Variants in PPP3CA observed in about 807,000 individuals in gnomAD.
The protein encoded by PPP3CA is protein phosphatase 3 catalytic subunit alpha.
PPP3CA carries 14 observed loss-of-function variants against 66.5 expected under a neutral mutation model. That is an observed-to-expected ratio of 0.21 (90% CI 0.14 to 0.33). The LOEUF (loss-of-function observed/expected upper bound fraction) is 0.33. Among genes scored for constraint, PPP3CA ranks in the 10% least tolerant of loss-of-function variants. The pLI, the probability that PPP3CA is intolerant of heterozygous loss-of-function variation, is 1.00. For synonymous variants in PPP3CA, 232 were observed against 226.2 expected, an observed-to-expected ratio of 1.03 and a Z score of -0.23; for missense variants, 317 against 639.5, an observed-to-expected ratio of 0.50 and a Z score of 5.44.
intron 13 of PPP3CA, among the ~76,000 whole-genome samples, chr4:101,028,915 T>C (rs1247582355): frequency 6.6e-6 from 1 of 152,134 alleles, no homozygotes; most frequent in African/African-American, 2.4e-5. Flanking sequence ...AAATATATAA[T>C]CCTTTTGTTT....
intron 1 of PPP3CA, among the ~76,000 whole-genome samples, chr4:101,313,613 T>C (rs1728793084): frequency 6.6e-6 from 1 of 152,146 alleles, no homozygotes; most frequent in Non-Finnish European, 1.5e-5. Flanking sequence ...AGTGGGAAGA[T>C]CAGTACTCCA....
intron 1 of PPP3CA, among the ~76,000 whole-genome samples, chr4:101,198,446 G>A (rs1048687565): frequency 6.6e-6 from 1 of 152,132 alleles, no homozygotes; most frequent in African/African-American, 2.4e-5. Context: ...GGCAAGAGCT[G>A]AATTTTTAAA....
intron 10 of PPP3CA, among the ~76,000 whole-genome samples, chr4:101,041,730 G>C (rs1727532800): frequency 6.6e-6 from 1 of 151,984 alleles, no homozygotes; most frequent in Admixed American, 6.6e-5. Context: ...CACCGCACCT[G>C]GTCAAGATTT....
chr4:101,046,515 G>T (rs779511585), intron 10 of PPP3CA, among the ~76,000 whole-genome samples: 1 of 151,762 alleles, frequency 6.6e-6, no homozygotes, highest in Non-Finnish European at 1.5e-5. Context: ...TATATAAAAA[G>T]TATATTTATA....
At chr4:101,314,711 T>C (rs1006380754) in intron 1 of PPP3CA, among the ~76,000 whole-genome samples, 2 of 151,810 alleles carry the variant, frequency 1.3e-5, no homozygotes, top group African/African-American at 2.4e-5. Flanking sequence ...TCTACCAATA[T>C]ATTTCTAAGA....
intron 1 of PPP3CA, among the ~76,000 whole-genome samples, chr4:101,269,767 T>G (rs1395202757): frequency 1.3e-5 from 2 of 152,072 alleles, no homozygotes; most frequent in Non-Finnish European, 2.9e-5. Flanking sequence ...AATGTGAACA[T>G]CATGAAGAAG....
At chr4:101,342,680 C>T (rs1262997501) in intron 1 of PPP3CA, among the ~76,000 whole-genome samples, 1 of 152,078 alleles carries the variant, frequency 6.6e-6, no homozygotes, top group East Asian at 1.9e-4. Context: ...TTTCACTATA[C>T]TCAAATTGAA....
At chr4:101,307,037 T>C (rs1434072748) in intron 1 of PPP3CA, among the ~76,000 whole-genome samples, 1 of 152,162 alleles carries the variant, frequency 6.6e-6, no homozygotes, top group African/African-American at 2.4e-5. Flanking sequence ...CCAATGCTAC[T>C]GGTGGTATTG....
chr4:101,329,496 A>T (rs1729311790), intron 1 of PPP3CA, among the ~76,000 whole-genome samples: 1 of 152,214 alleles, frequency 6.6e-6, no homozygotes, highest in Non-Finnish European at 1.5e-5. Flanking sequence ...CTTGCTTAAG[A>T]TCATTAATGA....
chr4:101,085,212 C>A (rs923186315), intron 6 of PPP3CA, among the ~76,000 whole-genome samples: 4 of 152,126 alleles, frequency 2.6e-5, no homozygotes, highest in Admixed American at 6.5e-5. Context: ...GAGGCCTTCA[C>A]TTAAATTCCT....
intron 11 of PPP3CA, 41 bp downstream of exon 11, chr4:101,040,439 CAT>C: frequency 7.2e-7 from 1 of 1,383,702 alleles, no homozygotes; most frequent in Non-Finnish European, 9.9e-7. Context: ...TTAGGTGACA[CAT>C]AATACAATTT....
intron 13 of PPP3CA, among the ~76,000 whole-genome samples, chr4:101,027,579 A>AAACT (rs1173913531): frequency 1.3e-5 from 2 of 152,210 alleles, no homozygotes; most frequent in East Asian, 1.9e-4. Context: ...CCCACCCTGA[A>AAACT]AACTAACTCA....
chr4:101,279,446 C>T (rs1727612160), intron 1 of PPP3CA, among the ~76,000 whole-genome samples: 1 of 152,192 alleles, frequency 6.6e-6, no homozygotes, highest in South Asian at 2.1e-4. Context: ...ACATCAGATA[C>T]CTGACTCTGC....
intron 1 of PPP3CA, among the ~76,000 whole-genome samples, chr4:101,252,545 A>C (rs990528337): frequency 6.6e-6 from 1 of 152,180 alleles, no homozygotes; most frequent in Non-Finnish European, 1.5e-5. Context: ...GCCCTTCTGC[A>C]CACATTTATA....
chr4:101,256,708 G>T (rs956702479), intron 1 of PPP3CA, among the ~76,000 whole-genome samples: 6 of 151,950 alleles, frequency 3.9e-5, no homozygotes, highest in African/African-American at 1.2e-4. Context: ...TATGTTTTGG[G>T]AATGTTTACA....
Position 101,280,809 on chromosome 4 carries a change from G to A in PPP3CA, c.58+65930C>T, listed in dbSNP as rs1727656236. ...CACTCCAGCCTGGGTGACAGAGCCAGACTCAGTCTCAAAAAAAAAAAAAAA... is the reference window on the plus strand; with the variant it reads ...CACTCCAGCCTGGGTGACAGAGCCAAACTCAGTCTCAAAAAAAAAAAAAAA... On this transcript the variant is annotated intron_variant, in intron 1 of 13. Coordinates refer to ENST00000394854, the MANE Select transcript of PPP3CA (RefSeq NM_000944.5). Among the ~76,000 whole-genome samples the A allele has an allele frequency of 4.8e-5, 6 of 124,252 alleles. No homozygotes were observed. The South Asian group carries it at 1.5e-3, about 32-fold the overall frequency. 81.5% of individuals were successfully genotyped at this position (124,252 alleles called of 152,430 possible). A position where few individuals can be genotyped will look rare whatever the true frequency, so the allele number is the denominator to read the frequency against.
intron 2 of PPP3CA, among the ~76,000 whole-genome samples, chr4:101,152,917 T>C (rs1479296401): frequency 2.0e-5 from 3 of 152,154 alleles, no homozygotes; most frequent in Non-Finnish European, 2.9e-5. Flanking sequence ...TATACTTCTG[T>C]CGATAAAGAT....
chr4:101,100,359 T>G (rs1277049350), intron 3 of PPP3CA, among the ~76,000 whole-genome samples: 1 of 152,140 alleles, frequency 6.6e-6, no homozygotes, highest in South Asian at 2.1e-4. Context: ...TGTTACCTGA[T>G]TTTTAAAAAT....
chr4:101,259,949 C>T (rs1439328836), intron 1 of PPP3CA, among the ~76,000 whole-genome samples: 1 of 152,112 alleles, frequency 6.6e-6, no homozygotes, highest in Non-Finnish European at 1.5e-5. Context: ...TGTCAAGGCA[C>T]GAACATAAGA....
Sources: gnomAD v4.1 joint callset for allele counts (sites outside exome capture counted in the v4.1 genomes callset) on GRCh38, gnomAD v4.1.1 for gene constraint, MANE v1.5 for transcripts, NCBI Gene and HGNC (gene_info 2026-07-23, HGNC 2026-07-21) for gene names.